Variants in TMC6 observed in about 807,000 individuals in gnomAD.
TMC6 encodes the protein transmembrane channel like 6, also known as transmembrane channel-like protein 6.
A neutral mutation model predicts 95.4 loss-of-function variants in TMC6; 71 were observed. That is an observed-to-expected ratio of 0.74 (90% CI 0.61 to 0.91). The LOEUF is 0.91. Ranked by LOEUF, TMC6 falls within the 40% of genes least tolerant of loss-of-function variation. The probability of loss-of-function intolerance (pLI) is 0.00; values close to 1 mark genes in which losing one functional copy is unlikely to be tolerated. For missense variants in TMC6, 1,074 were observed against 1,079.1 expected (o/e 1.00, Z 0.07); for synonymous variants, 514 against 483.1 (o/e 1.06, Z -0.84).
chr17:78,117,918 G>A lies in TMC6; in HGVS notation c.1905C>T (p.Asn635=), dbSNP rs1362938986. 1 of 1,602,958 alleles carries A rather than the reference G, an allele frequency of 6.2e-7. No individual in the cohort carries two copies. The highest frequency in any genetic ancestry group is 1.1e-5 in the South Asian group (1 of 89,424). Residue 635 remains asparagine, a synonymous_variant, in exon 16 of 20, where the codon AAC becomes AAT. Transcript: ENST00000590602. ...FYVKKTSLLA[N]CQAPRRPWLA... ...GCCAGGGCCGGCGCGGCGCCTGGCA[G>A]TTGGCCAGAAGGCTGGTCTGTGGGG...
chr17:78,115,479 A>ACG (rs2074023188), intron 18 of TMC6, among the ~76,000 whole-genome samples: 1 of 151,952 alleles, frequency 6.6e-6, no homozygotes. Context: ...GAAAAGCCAC[A>ACG]GGACCTGCTT....
chr17:78,122,558 C>T lies in TMC6; in HGVS notation c.1227+47G>A. 6.2e-7 allele frequency: 1 copy of T among 1,601,678 alleles called. No individual in the cohort carries two copies. The highest frequency in any genetic ancestry group is 8.5e-7 in the Non-Finnish European group (1 of 1,179,450). ...GGTCCTAAGTGGACCCAGGGCCAGG[C>T]CTGCAGGGAGCTGGGCAGGCCAGCT... is the stretch of plus-strand genomic sequence containing the variant. On this transcript the variant is annotated intron_variant, in intron 10 of 19. Transcript: ENST00000590602. The surrounding 1 kb of genome is among the most constrained non-coding windows in gnomAD (Gnocchi z 4.9).
At position 78,125,887 on chromosome 17, in the gene TMC6, A is replaced by G. The variant is rs1262011144; in HGVS notation, c.272-3T>C. ...GATGATGGCACCTCGGCTGCGGCCT[A>G]TGGAGGCAGCTGGGCAGGGCCGGGC... is the stretch of plus-strand genomic sequence containing the variant. On this transcript the variant is annotated splice_region_variant and splice_polypyrimidine_tract_variant and intron_variant, in intron 4 of 19. Coordinates refer to ENST00000590602, the MANE Select transcript of TMC6 (RefSeq NM_001127198.5). 1 of 1,550,476 alleles carries G rather than the reference A, an allele frequency of 6.4e-7. No individual in the cohort carries two copies. The highest frequency in any genetic ancestry group is 8.7e-7 in the Non-Finnish European group (1 of 1,146,884).
At chr17:78,116,172 T>C (rs77304758) in intron 18 of TMC6, among the ~76,000 whole-genome samples, 9,271 of 151,932 alleles carry the variant, frequency 0.061, 502 homozygotes, top group African/African-American at 0.12. Flanking sequence ...AGACGGGGTT[T>C]TGCCATGATG....
Position 78,113,571 on chromosome 17 carries a change from C to T in TMC6, c.2331G>A (p.Arg777=). 1.2e-6 allele frequency: 2 copies of T among 1,614,006 alleles called. No homozygotes were observed. Among genetic ancestry groups the T allele is most frequent in the Non-Finnish European group, 1.7e-6 (2 of 1,180,022 alleles). Residue 777 remains arginine (R), a synonymous_variant, in exon 19 of 20, where the codon AGG becomes AGA. Coordinates refer to ENST00000590602, the MANE Select transcript of TMC6 (RefSeq NM_001127198.5). ...ACCTGCTCCTCTCCTCCCTCTCCTT[C>T]CTCTCGTAGATGGAGTGAAGCTTGT... ...LINKLHSIYE[R]KEREERSRVG... is the part of the protein sequence containing the mutation.
intron 1 of TMC6, 75 bp from the exon 2 acceptor site, chr17:78,126,981 G>T: frequency 1.3e-5 from 12 of 907,568 alleles, no homozygotes; most frequent in Non-Finnish European, 1.7e-5. Context: ...ATTCCTGGGG[G>T]AACCACAGGA....
chr17:78,119,171 G>T, intron 14 of TMC6, 125 bp from the exon 15 acceptor site: 1 of 1,494,068 alleles, frequency 6.7e-7, no homozygotes, highest in Non-Finnish European at 9.3e-7. Flanking sequence ...GTTAGGGTCT[G>T]CATCACTCCA....
At chr17:78,126,002 T>C in intron 4 of TMC6, 118 bp from the exon 5 acceptor site, 3 of 1,420,120 alleles carry the variant, frequency 2.1e-6, no homozygotes, top group East Asian at 2.5e-5. Context: ...GAAAATCCTT[T>C]CAACAAAGAC....
At chr17:78,124,434 G>T (rs946215581) in intron 8 of TMC6, 90 bp downstream of exon 8, 4 of 1,579,680 alleles carry the variant, frequency 2.5e-6, no homozygotes, top group Admixed American at 1.7e-5. Flanking sequence ...AGGGTTGGGG[G>T]CCCCAGGGGA....
intron 18 of TMC6, among the ~76,000 whole-genome samples, chr17:78,115,326 C>T (rs548020391): frequency 6.6e-6 from 1 of 152,320 alleles, no homozygotes; most frequent in South Asian, 2.1e-4. Flanking sequence ...CACAAGCGCC[C>T]CCCTAGCCCT....
In TMC6 at chr17:78,128,164, G is replaced by A. The variant is rs1259470391; in HGVS notation, c.-75+448C>T. Reference sequence around the variant, plus strand: ...GCTAGGTGGGGAGAGGCTGGGTGGCGCCCGTTTCCAGGAACCCCCACCCCA... The same window carrying A: ...GCTAGGTGGGGAGAGGCTGGGTGGCACCCGTTTCCAGGAACCCCCACCCCA... On this transcript the variant is annotated intron_variant, in intron 1 of 19. Coordinates refer to ENST00000590602, the MANE Select transcript of TMC6 (RefSeq NM_001127198.5). This position sits in a 1 kb window ranked among gnomAD's most constrained non-coding sequence, Gnocchi z 4.0. Among the ~76,000 whole-genome samples the A allele has an allele frequency of 6.6e-6, 1 of 152,138 alleles. No individual in the cohort carries two copies. The highest frequency in any genetic ancestry group is 1.5e-5 in the Non-Finnish European group (1 of 68,018).
Position 78,124,168 on chromosome 17 carries a change from G to A in TMC6, c.903C>T (p.Thr301=). ...LELLTGAGCF[T]HTVMYYGHYS... ...AGTGGCCGTAGTACATGACGGTGTG[G>A]GTGAAGCAACCCTGCCACAGGGAGA... The change falls in exon 9 of 20, where the codon ACC becomes ACT. Residue 301 remains threonine, a synonymous_variant. Coordinates refer to ENST00000590602, the MANE Select transcript of TMC6 (RefSeq NM_001127198.5). The A allele has an allele frequency of 6.2e-7, 1 of 1,611,638 alleles. No homozygotes were observed. The highest frequency in any genetic ancestry group is 8.5e-7 in the Non-Finnish European group (1 of 1,179,744).
At chr17:78,113,242 C>T (rs2073881022) in intron 19 of TMC6, 31 bp from the exon 20 acceptor site, 3 of 1,545,348 alleles carry the variant, frequency 1.9e-6, no homozygotes, top group Non-Finnish European at 2.6e-6. Flanking sequence ...TGAGGGGACC[C>T]CATAAACATC....
intron 17 of TMC6, 55 bp from the exon 18 acceptor site, chr17:78,117,402 G>A (rs1021753035): frequency 1.2e-6 from 2 of 1,612,040 alleles, no homozygotes; most frequent in African/African-American, 2.7e-5. Flanking sequence ...GGAGCGGCCA[G>A]TCCCCACACG....
chr17:78,131,762 G>C (rs772216975), upstream of TMC6: 5 of 1,565,750 alleles, frequency 3.2e-6, no homozygotes, highest in Non-Finnish European at 4.3e-6. Context: ...GGCGCCAGAC[G>C]GTGCGTGGGG....
chr17:78,121,245 G>A lies in TMC6; in HGVS notation c.1384-81C>T, dbSNP rs2074399635. 2.6e-6 allele frequency: 4 copies of A among 1,534,592 alleles called. No homozygotes were observed. The highest frequency in any genetic ancestry group is 2.4e-5 in the South Asian group (2 of 83,940). On this transcript the variant is annotated intron_variant, in intron 11 of 19. Coordinates refer to ENST00000590602, the MANE Select transcript of TMC6 (RefSeq NM_001127198.5). The surrounding 1 kb of genome is among the most constrained non-coding windows in gnomAD (Gnocchi z 5.6). ...GCAGCTACAGGGAAGGGCCCGGGGT[G>A]GAACTGGCAGGTAGCACCTCCCTCC...
intron 9 of TMC6, among the ~76,000 whole-genome samples, chr17:78,123,612 A>AATGGGAGG (rs2074532910): frequency 9.3e-6 from 1 of 107,050 alleles, no homozygotes; most frequent in Non-Finnish European, 1.9e-5. Flanking sequence ...TGAATGGATG[A>AATGGGAGG]ATGGGTGGAT....
At position 78,120,623 on chromosome 17, in the gene TMC6, C is replaced by G. The variant is rs1260446837; in HGVS notation, c.1715+30G>C. ...TCCCGGCCACTAAGGGGAGAACACT[C>G]ACCACCCAGTCCGCCCAGGACCCCC... On this transcript the variant is annotated intron_variant, in intron 13 of 19. Coordinates refer to ENST00000590602, the MANE Select transcript of TMC6 (RefSeq NM_001127198.5). 1.9e-6 allele frequency: 3 copies of G among 1,613,820 alleles called. No individual in the cohort carries two copies. In the African/African-American group the frequency reaches 4.0e-5, roughly 22 times the overall value.
intron 2 of TMC6, 48 bp from the exon 3 acceptor site, chr17:78,126,696 T>C: frequency 6.2e-7 from 1 of 1,612,150 alleles, no homozygotes; most frequent in Non-Finnish European, 8.5e-7. Flanking sequence ...ACCTCTCTCC[T>C]TCCAGCAGCC....
Sources: allele counts gnomAD v4.1 joint callset (sites outside exome capture counted in the v4.1 genomes callset), GRCh38; gene constraint gnomAD v4.1.1; non-coding constraint Gnocchi (gnomAD v3.1); transcripts MANE v1.5; gene names NCBI Gene and HGNC (gene_info 2026-07-23, HGNC 2026-07-21).